Variants in ZYG11B observed in about 807,000 individuals in gnomAD.
ZYG11B encodes the protein protein zyg-11 homolog B.
A neutral mutation model predicts 82.4 loss-of-function variants in ZYG11B; 36 were observed. The ratio of observed to expected loss-of-function variants is 0.44; its 90% CI spans 0.33 to 0.58. ZYG11B has a LOEUF of 0.58. Ranked by LOEUF, ZYG11B falls within the 20% of genes least tolerant of loss-of-function variation. The pLI is 0.02. For missense variants in ZYG11B, 552 were observed against 895.6 expected (o/e 0.62, Z 4.90); for synonymous variants, 303 against 312.8 (o/e 0.97, Z 0.33).
intron 1 of ZYG11B, among the ~76,000 whole-genome samples, chr1:52,741,210 A>G (rs1262616084): frequency 7.0e-6 from 1 of 141,984 alleles, no homozygotes; most frequent in African/African-American, 2.5e-5. Flanking sequence ...AGGCAGGAGT[A>G]TTGCTTGAAT....
chr1:52,754,720 T>C (rs970571625), intron 1 of ZYG11B, among the ~76,000 whole-genome samples: 4 of 152,220 alleles, frequency 2.6e-5, no homozygotes, highest in African/African-American at 9.6e-5. Flanking sequence ...CAAAAGTTTT[T>C]AATTTTTTTG....
chr1:52,742,889 T>G (rs1264595023), intron 1 of ZYG11B, among the ~76,000 whole-genome samples: 8 of 149,696 alleles, frequency 5.3e-5, no homozygotes, highest in African/African-American at 2.0e-4. Flanking sequence ...GTAAAAGTTC[T>G]GGGGGGCAGC....
rs1293802830 is a variant in ZYG11B, at chr1:52,784,780, A to G, written c.1093-97A>G. On this transcript the variant is annotated intron_variant, in intron 4 of 13. Transcript: ENST00000294353. Reference sequence around the variant, plus strand: ...TGAGGATGAAAAAGAAAATTATGACATCTTTGAAATTACTATAGACCAACA... The same window carrying G: ...TGAGGATGAAAAAGAAAATTATGACGTCTTTGAAATTACTATAGACCAACA... The G allele has an allele frequency of 4.5e-6, 6 of 1,326,308 alleles. No homozygotes were observed. In the East Asian group the frequency reaches 9.2e-5, roughly 20 times the overall value. 82.2% of individuals were successfully genotyped at this position (1,326,308 alleles called of 1,614,324 possible). A position where few individuals can be genotyped will look rare whatever the true frequency, so the allele number is the denominator to read the frequency against.
intron 13 of ZYG11B, among the ~76,000 whole-genome samples, chr1:52,817,815 A>AT (rs1176871667): frequency 7.2e-5 from 2 of 27,686 alleles, no homozygotes; most frequent in Non-Finnish European, 1.3e-4. Context: ...ATATATATAT[A>AT]TTTTTTTTTT....
chr1:52,805,409 A>G, intron 10 of ZYG11B: 2 of 451,560 alleles, frequency 4.4e-6, no homozygotes. Context: ...ATGGAAAACA[A>G]CCTAAATGTC....
At chr1:52,802,709 GAGAA>G (rs751594897) in intron 10 of ZYG11B, among the ~76,000 whole-genome samples, 62 of 151,996 alleles carry the variant, frequency 4.1e-4, no homozygotes, top group African/African-American at 1.1e-3. Flanking sequence ...GAGAGAGAGA[GAGAA>G]AGAAAGAAAG....
intron 3 of ZYG11B, among the ~76,000 whole-genome samples, chr1:52,774,307 A>ATTT (rs372279550): frequency 1.1e-4 from 14 of 127,528 alleles, no homozygotes; most frequent in African/African-American, 2.4e-4. Context: ...TAACTGGCTA[A>ATTT]TTTTTTTTTT....
At chr1:52,730,920 A>G (rs1219351448) in intron 1 of ZYG11B, among the ~76,000 whole-genome samples, 1 of 151,998 alleles carries the variant, frequency 6.6e-6, no homozygotes, top group Non-Finnish European at 1.5e-5. Context: ...GTAGCTTTGC[A>G]GAGGGTCTTA....
chr1:52,793,064 T>C (rs1644973045), intron 6 of ZYG11B, among the ~76,000 whole-genome samples: 2 of 150,306 alleles, frequency 1.3e-5, no homozygotes, highest in Admixed American at 1.3e-4. Context: ...GGTCTCAAAC[T>C]CCTGACCTCA....
chr1:52,778,083 C>G (rs375736538), intron 3 of ZYG11B, among the ~76,000 whole-genome samples: 1 of 152,244 alleles, frequency 6.6e-6, no homozygotes, highest in Admixed American at 6.5e-5. Flanking sequence ...AGCCACTACA[C>G]CCAACCATGT....
intron 1 of ZYG11B, among the ~76,000 whole-genome samples, chr1:52,739,534 C>T (rs1395366333): frequency 6.6e-6 from 1 of 152,118 alleles, no homozygotes; most frequent in African/African-American, 2.4e-5. Context: ...GAGCTCTAAC[C>T]TCTCAATGTA....
chr1:52,742,504 A>AT lies in ZYG11B; in HGVS notation c.31-13947dup, dbSNP rs550634920. 2.5e-3 allele frequency among the ~76,000 whole-genome samples: 382 copies of AT among 151,818 alleles called. 3 individuals carry two copies. Among genetic ancestry groups the AT allele is most frequent in the African/African-American group, 8.6e-3 (358 of 41,434 alleles). On this transcript the variant is annotated intron_variant, in intron 1 of 13. Transcript: ENST00000294353. Reference sequence around the variant, plus strand: ...ATGTAAAAGAGAGAATTTTTTTTGTATTTTTTTACAGCTGTACAATGTGTT... The same window carrying AT: ...ATGTAAAAGAGAGAATTTTTTTTGTATTTTTTTTACAGCTGTACAATGTGTT...
At chr1:52,790,335 A>G (rs1644945739) in intron 6 of ZYG11B, among the ~76,000 whole-genome samples, 1 of 152,218 alleles carries the variant, frequency 6.6e-6, no homozygotes, top group Non-Finnish European at 1.5e-5. Context: ...ATTGTAAGCT[A>G]TGAACATTAT....
chr1:52,733,221 A>G (rs6662414), intron 1 of ZYG11B, among the ~76,000 whole-genome samples: 74,148 of 152,010 alleles, frequency 0.49, 18,386 homozygotes, highest in East Asian at 0.62. Context: ...CTGTGGTAAA[A>G]TTTGTATATC....
At chr1:52,750,987 A>G (rs1266206909) in intron 1 of ZYG11B, among the ~76,000 whole-genome samples, 1 of 151,910 alleles carries the variant, frequency 6.6e-6, no homozygotes, top group Non-Finnish European at 1.5e-5. Flanking sequence ...GCTGTACTAT[A>G]TTTTGTTTAT....
At chr1:52,803,465 CAT>C (rs901326697) in intron 10 of ZYG11B, among the ~76,000 whole-genome samples, 12 of 147,112 alleles carry the variant, frequency 8.2e-5, no homozygotes, top group African/African-American at 2.0e-4. Context: ...AACCACAACA[CAT>C]ATATGTGTGT....
chr1:52,770,580 A>G (rs1462679993), intron 2 of ZYG11B, among the ~76,000 whole-genome samples: 3 of 152,140 alleles, frequency 2.0e-5, no homozygotes, highest in African/African-American at 4.8e-5. Context: ...CTCCTCATAT[A>G]ACTATACTCT....
rs1483716322 is a variant in ZYG11B at position 52,771,092 on chromosome 1, A to G, written c.269A>G (p.Lys90Arg). 2 of 1,614,202 alleles carry G rather than the reference A, an allele frequency of 1.2e-6. No homozygotes were observed. The highest frequency in any genetic ancestry group is 1.7e-5 in the Admixed American group (1 of 60,024). Residue 90 changes from lysine to arginine, a missense_variant, in exon 3 of 14, where the codon AAA becomes AGA. Coordinates refer to ENST00000294353, the MANE Select transcript of ZYG11B (RefSeq NM_024646.3). The surrounding 1 kb of genome is among the most constrained non-coding windows in gnomAD (Gnocchi z 5.4). ...CGCTTAAAGCGAGCCTGCATTCGCA[A>G]AGCAAAGATCTCTGCTGTTGCTTTC... Reference protein sequence around the residue: ...QMRLKRACIRKAKISAVAFRK... With the variant: ...QMRLKRACIRRAKISAVAFRK...
chr1:52,812,720 G>C (rs1645194014), intron 10 of ZYG11B, among the ~76,000 whole-genome samples: 1 of 150,588 alleles, frequency 6.6e-6, no homozygotes, highest in Admixed American at 6.6e-5. Context: ...GGGTTTGTTT[G>C]TTTGTTTGTT....
Sources: allele counts gnomAD v4.1 joint callset (sites outside exome capture counted in the v4.1 genomes callset), GRCh38; gene constraint gnomAD v4.1.1; non-coding constraint Gnocchi (gnomAD v3.1); transcripts MANE v1.5; gene names NCBI Gene and HGNC (gene_info 2026-07-23, HGNC 2026-07-21).